The following PLEKHG5 variants were observed in gnomAD, a reference collection of about 807,000 sequenced individuals.
The protein encoded by PLEKHG5 is pleckstrin homology domain-containing family G member 5.
Under a neutral mutation model 103.8 loss-of-function variants are expected in PLEKHG5, and 52 were observed. The ratio of observed to expected loss-of-function variants is 0.50; its 90% CI spans 0.40 to 0.63. The LOEUF (loss-of-function observed/expected upper bound fraction) is 0.63, where lower values mean the gene tolerates loss of function less well. Among genes scored for constraint, PLEKHG5 ranks in the 30% least tolerant of loss-of-function variants. PLEKHG5 has a pLI of 0.00. For missense variants in PLEKHG5, 1,205 were observed against 1,347.6 expected, an observed-to-expected ratio of 0.89 and a Z score of 1.66; for synonymous variants, 592 against 575.5, an observed-to-expected ratio of 1.03 and a Z score of -0.41.
chr1:6,494,118 ATTT>A (rs36105555), upstream of PLEKHG5, among the ~76,000 whole-genome samples: 448 of 75,712 alleles, frequency 5.9e-3, 7 homozygotes, highest in African/African-American at 0.041. Context: ...CACCTGGCTA[ATTT>A]TTTTTTTTTT....
chr1:6,481,181 A>G (rs987644105), intron 1 of PLEKHG5, among the ~76,000 whole-genome samples: 8 of 152,176 alleles, frequency 5.3e-5, no homozygotes, highest in Non-Finnish European at 1.2e-4. Context: ...CTGTTCAAAG[A>G]GGAGTCCCAC....
chr1:6,467,968 C>T lies in PLEKHG5; in HGVS notation c.2868G>A (p.Arg956=), dbSNP rs1263361640. 8.3e-6 allele frequency: 13 copies of T among 1,563,008 alleles called. No homozygotes were observed. The highest frequency in any genetic ancestry group is 1.9e-5 in the Admixed American group (1 of 52,396). Residue 956 remains arginine (R), a synonymous_variant, in exon 20 of 21, where the codon AGG becomes AGA. Transcript: ENST00000377728. ...AGEPAGSHRK[R]CGDLPSGASP... ...AGGCCCCCGAGGGCAGGTCTCCACACCTCTTCCTGTGGGAGCCTGCAGGTT... is the reference window on the plus strand; with the variant it reads ...AGGCCCCCGAGGGCAGGTCTCCACATCTCTTCCTGTGGGAGCCTGCAGGTT...
intron 1 of PLEKHG5, among the ~76,000 whole-genome samples, chr1:6,478,978 TAAG>T (rs946714826): frequency 6.6e-6 from 1 of 152,098 alleles, no homozygotes; most frequent in Non-Finnish European, 1.5e-5. Context: ...CCAAAAATTA[TAAG>T]AATAGCACAT....
At chr1:6,479,203 A>G (rs1316801586) in intron 1 of PLEKHG5, among the ~76,000 whole-genome samples, 1 of 152,138 alleles carries the variant, frequency 6.6e-6, no homozygotes, top group Non-Finnish European at 1.5e-5. Context: ...AAGTGTCTAA[A>G]TAACGTTCTT....
rs1051688744 is a variant in PLEKHG5, at chr1:6,505,864, C to G, written c.-164-9295G>C. On this transcript the variant is annotated intron_variant, in intron 1 of 21. Coordinates refer to the PLEKHG5 transcript ENST00000377740. The surrounding 1 kb of genome is among the most constrained non-coding windows in gnomAD (Gnocchi z 4.2). The stretch of plus-strand genomic sequence containing the variant: ...AGGGTCCTCATTTCCGGGTCCTCTC[C>G]TGCACCAGCGGCAGCTCTCAGGAGT... Among the ~76,000 whole-genome samples, 2 of 152,244 alleles carry G rather than the reference C, an allele frequency of 1.3e-5. No homozygotes were observed. The highest frequency in any genetic ancestry group is 4.8e-5 in the African/African-American group (2 of 41,474).
chr1:6,511,336 G>C (rs1296738353), intron 1 of PLEKHG5, among the ~76,000 whole-genome samples: 1 of 152,176 alleles, frequency 6.6e-6, no homozygotes, highest in African/African-American at 2.4e-5. Context: ...GGACCAAAGA[G>C]GACAGGCACC....
At chr1:6,488,467 G>A (rs12564716) in intron 1 of PLEKHG5, among the ~76,000 whole-genome samples, 10,907 of 152,286 alleles carry the variant, frequency 0.072, 555 homozygotes, top group East Asian at 0.26. Flanking sequence ...GGAGCCCACC[G>A]GTGTGGGGTA....
intron 1 of PLEKHG5, among the ~76,000 whole-genome samples, chr1:6,516,830 A>G (rs1479054482): frequency 7.1e-6 from 1 of 140,930 alleles, no homozygotes; most frequent in Non-Finnish European, 1.5e-5. Flanking sequence ...ATGTGTATAT[A>G]TGTGTGTGTA....
intron 1 of PLEKHG5, among the ~76,000 whole-genome samples, chr1:6,507,250 G>C (rs1156923344): frequency 6.6e-6 from 1 of 152,186 alleles, no homozygotes; most frequent in Non-Finnish European, 1.5e-5. Flanking sequence ...CTTCCTTCAT[G>C]GCACAGATGA....
intron 1 of PLEKHG5, among the ~76,000 whole-genome samples, chr1:6,514,393 G>T (rs935303569): frequency 7.2e-5 from 11 of 152,128 alleles, no homozygotes; most frequent in Admixed American, 5.9e-4. Flanking sequence ...GGTCAAGGCT[G>T]CAGTGAGTTG....
upstream of PLEKHG5, chr1:6,497,444 TG>T: frequency 2.3e-6 from 1 of 427,550 alleles, no homozygotes; most frequent in Non-Finnish European, 3.0e-6. This position sits in a 1 kb window ranked among gnomAD's most constrained non-coding sequence, Gnocchi z 6.1. Flanking sequence ...GCGGGGCAGG[TG>T]GGCGGGGAGG....
chr1:6,474,033 G>T lies in PLEKHG5; in HGVS notation c.571C>A (p.Arg191=). 1 of 1,346,864 alleles carries T rather than the reference G, an allele frequency of 7.4e-7. No individual in the cohort carries two copies. The highest frequency in any genetic ancestry group is 1.6e-5 in the African/African-American group (1 of 63,686). The allele number at this position is 1,346,864 out of a possible 1,614,324, so 83.4% of individuals were successfully genotyped here. The change falls in exon 7 of 21, where the codon CGG becomes AGG. Residue 191 remains arginine, a synonymous_variant. Transcript: ENST00000377728. ...ALERVDAQSR[R]ESLDILAPGR... ...CTCACCAAGATGTCCAGGCTCTCCCGGCGGCTCTGGGCGTCCACACGCTCC... is the reference window on the plus strand; with the variant it reads ...CTCACCAAGATGTCCAGGCTCTCCCTGCGGCTCTGGGCGTCCACACGCTCC...
intron 1 of PLEKHG5, among the ~76,000 whole-genome samples, chr1:6,517,941 A>G (rs1316299871): frequency 6.6e-6 from 1 of 151,844 alleles, no homozygotes; most frequent in Non-Finnish European, 1.5e-5. Context: ...ATATATACAT[A>G]TATTTTTTTG....
At chr1:6,516,149 G>T (rs1380779021) in intron 1 of PLEKHG5, among the ~76,000 whole-genome samples, 1 of 152,146 alleles carries the variant, frequency 6.6e-6, no homozygotes, top group Non-Finnish European at 1.5e-5. Flanking sequence ...GAAAAACTGG[G>T]CTGGGCTTCG....
rs752131172 is a variant in PLEKHG5 at position 6,470,777 on chromosome 1, C to T, written c.1500G>A (p.Arg500=). The change falls in exon 14 of 21, where the codon AGG becomes AGA. Residue 500 remains arginine, a synonymous_variant. Transcript: ENST00000377728. Reference sequence around the variant, plus strand: ...CCTTGGCGCGCGGCTCCTCGGTCTTCCTCAGCACCGACTTGAGCAGCAGCG... The same window carrying T: ...CCTTGGCGCGCGGCTCCTCGGTCTTTCTCAGCACCGACTTGAGCAGCAGCG... The part of the protein sequence containing the change: ...KYPLLLKSVL[R]KTEEPRAKEA... 17 of 1,570,118 alleles carry T rather than the reference C, an allele frequency of 1.1e-5. No homozygotes were observed. The highest frequency in any genetic ancestry group is 1.9e-5 in the Admixed American group (1 of 53,628).
chr1:6,473,976 T>TTCC, intron 7 of PLEKHG5, 37 bp downstream of exon 7: 22 of 1,265,554 alleles, frequency 1.7e-5, no homozygotes, highest in East Asian at 5.3e-5. Flanking sequence ...CTGGGCCCCT[T>TTCC]CCCACCCCCT....
intron 9 of PLEKHG5, 74 bp from the exon 10 acceptor site, chr1:6,472,696 G>T: frequency 1.9e-6 from 2 of 1,044,888 alleles, no homozygotes; most frequent in Non-Finnish European, 2.9e-6. Context: ...TAAGCAACCT[G>T]CATGCAACTC....
rs1238364962 is a variant in PLEKHG5, at chr1:6,487,608, T to C, written c.-88+4029A>G. On this transcript the variant is annotated intron_variant, in intron 1 of 20. Coordinates refer to ENST00000377728, the MANE Select transcript of PLEKHG5 (RefSeq NM_020631.6). This position sits in a 1 kb window ranked among gnomAD's most constrained non-coding sequence, Gnocchi z 4.1. ...TGTCTGGAATTCCACGCACCCTATCTTGAAACAGCTGACACCGGGCCCCAA... is the reference window on the plus strand; with the variant it reads ...TGTCTGGAATTCCACGCACCCTATCCTGAAACAGCTGACACCGGGCCCCAA... Among the ~76,000 whole-genome samples the C allele has an allele frequency of 6.6e-6, 1 of 151,988 alleles. No individual in the cohort carries two copies. Among genetic ancestry groups the C allele is most frequent in the Non-Finnish European group, 1.5e-5 (1 of 68,032 alleles).
At position 6,471,000 on chromosome 1, in the gene PLEKHG5, G is replaced by C. The variant is rs540512955; in HGVS notation, c.1382C>G (p.Ala461Gly). Residue 461 changes from alanine to glycine, a missense_variant, in exon 13 of 21, where the codon GCC becomes GGC. Transcript: ENST00000377728. ...CACGCGCGCCCTCACCGTGATGTAGGCCCGGAAGAGGTCGTTGTCGCGCAG... is the reference window on the plus strand; with the variant it reads ...CACGCGCGCCCTCACCGTGATGTAGCCCCGGAAGAGGTCGTTGTCGCGCAG... ...GLLRDNDLFRAYITWAEKHPQ... is the reference protein window; with the variant it reads ...GLLRDNDLFRGYITWAEKHPQ... 6.2e-7 allele frequency: 1 copy of C among 1,603,444 alleles called. No individual in the cohort carries two copies. Among genetic ancestry groups the C allele is most frequent in the Non-Finnish European group, 8.5e-7 (1 of 1,175,466 alleles).
Sources: gnomAD v4.1 joint callset for allele counts (sites outside exome capture counted in the v4.1 genomes callset) on GRCh38, gnomAD v4.1.1 for gene constraint, Gnocchi (gnomAD v3.1) non-coding constraint, MANE v1.5 for transcripts, NCBI Gene and HGNC (gene_info 2026-07-23, HGNC 2026-07-21) for gene names.